The following FHIP2A variants were observed in gnomAD, a reference collection of about 807,000 sequenced individuals.
FHIP2A encodes the protein family with sequence similarity 160 member B1.
Under a neutral mutation model 93.5 loss-of-function variants are expected in FHIP2A, and 46 were observed. The ratio of observed to expected loss-of-function variants is 0.49; its 90% CI spans 0.39 to 0.63. FHIP2A has a LOEUF of 0.63. Ranked by LOEUF, FHIP2A falls within the 20% of genes least tolerant of loss-of-function variation. The pLI is 0.00. For synonymous variants in FHIP2A, 332 were observed against 326.5 expected (o/e 1.02, Z -0.18); for missense variants, 769 against 909.7 (o/e 0.85, Z 1.99).
At chr10:114,840,518 A>G (rs920586443) in intron 5 of FHIP2A, among the ~76,000 whole-genome samples, 1 of 152,194 alleles carries the variant, frequency 6.6e-6, no homozygotes, top group Non-Finnish European at 1.5e-5. Context: ...TATATGGCAG[A>G]TTCTTTGAGA....
At chr10:114,837,890 AC>A (rs2083645278) in intron 5 of FHIP2A, among the ~76,000 whole-genome samples, 1 of 152,218 alleles carries the variant, frequency 6.6e-6, no homozygotes, top group Non-Finnish European at 1.5e-5. Context: ...GTATGGATGT[AC>A]CACAGTTGTT....
chr10:114,877,458 A>G (rs1053981767), intron 16 of FHIP2A, among the ~76,000 whole-genome samples: 36 of 152,204 alleles, frequency 2.4e-4, no homozygotes, highest in African/African-American at 7.9e-4. Flanking sequence ...TGTCAGTATA[A>G]TTATATAATT....
intron 16 of FHIP2A, among the ~76,000 whole-genome samples, chr10:114,873,530 G>A (rs1166491529): frequency 6.6e-6 from 1 of 152,136 alleles, no homozygotes; most frequent in Non-Finnish European, 1.5e-5. Flanking sequence ...AGTTAATACT[G>A]TATCTTCTTG....
chr10:114,838,052 T>C (rs1423829692), intron 5 of FHIP2A, among the ~76,000 whole-genome samples: 1 of 152,190 alleles, frequency 6.6e-6, no homozygotes, highest in East Asian at 1.9e-4. Context: ...CCAGATCATA[T>C]GGTAAGTGTG....
At chr10:114,868,588 G>C (rs375360121), downstream of FHIP2A, among the ~76,000 whole-genome samples, 7 of 152,106 alleles carry the variant, frequency 4.6e-5, no homozygotes, top group East Asian at 1.4e-3. Flanking sequence ...TTAAATATTA[G>C]GTAATACTTT....
chr10:114,891,233 T>TAC (rs997542793), intron 16 of FHIP2A, among the ~76,000 whole-genome samples: 4 of 149,886 alleles, frequency 2.7e-5, no homozygotes, highest in African/African-American at 9.8e-5. Flanking sequence ...TATATATATA[T>TAC]ATATATATGC....
intron 2 of FHIP2A, among the ~76,000 whole-genome samples, chr10:114,831,333 A>G (rs2083606663): frequency 6.6e-6 from 1 of 152,152 alleles, no homozygotes; most frequent in South Asian, 2.1e-4. Context: ...GGTTAGAGAA[A>G]ACCTCATTGC....
chr10:114,859,782 T>C (rs1469684179), intron 14 of FHIP2A, among the ~76,000 whole-genome samples: 1 of 152,218 alleles, frequency 6.6e-6, no homozygotes, highest in Non-Finnish European at 1.5e-5. Context: ...TGTGAGGAAC[T>C]GTACACAGAT....
intron 1 of FHIP2A, among the ~76,000 whole-genome samples, chr10:114,822,863 C>G (rs1296768538): frequency 6.6e-6 from 1 of 152,220 alleles, no homozygotes; most frequent in African/African-American, 2.4e-5. Flanking sequence ...GTTTATCCTG[C>G]AATTGTACTC....
chr10:114,852,091 C>T (rs2083740570), intron 13 of FHIP2A, among the ~76,000 whole-genome samples: 1 of 114,584 alleles, frequency 8.7e-6, no homozygotes, highest in African/African-American at 3.4e-5. Flanking sequence ...CCCACCCCAG[C>T]CCTGCCATTT....
intron 16 of FHIP2A, among the ~76,000 whole-genome samples, chr10:114,888,335 C>G (rs982329783): frequency 6.6e-6 from 1 of 152,140 alleles, no homozygotes; most frequent in Non-Finnish European, 1.5e-5. Flanking sequence ...GATCCCTAAT[C>G]TAGACTTGGA....
chr10:114,837,202 CCTT>C (rs1452164228), intron 5 of FHIP2A, among the ~76,000 whole-genome samples: 1 of 152,172 alleles, frequency 6.6e-6, no homozygotes, highest in Non-Finnish European at 1.5e-5. Flanking sequence ...CCACACCTGG[CCTT>C]CTTTTGTTTT....
intron 16 of FHIP2A, among the ~76,000 whole-genome samples, chr10:114,875,529 T>TA (rs553034215): frequency 1.8e-4 from 27 of 150,090 alleles, no homozygotes; most frequent in African/African-American, 4.6e-4. Flanking sequence ...ACCCTGTCTC[T>TA]AAAAAAAAAT....
chr10:114,843,245 T>A lies in FHIP2A; in HGVS notation c.816+19T>A. On this transcript the variant is annotated intron_variant, in intron 6 of 16. Coordinates refer to ENST00000369248, the MANE Select transcript of FHIP2A (RefSeq NM_020940.4). ...AAGTCCTGTGAGTTATGGTCCTTAC[T>A]TTTTCCCCCCTAACATTATTTCAAT... 6.6e-7 allele frequency: 1 copy of A among 1,516,582 alleles called. No individual in the cohort carries two copies. The highest frequency in any genetic ancestry group is 9.0e-7 in the Non-Finnish European group (1 of 1,112,470). The allele number at this position is 1,516,582 out of a possible 1,614,324, so 93.9% of individuals were successfully genotyped here. A position where few individuals can be genotyped will look rare whatever the true frequency, so the allele number is the denominator to read the frequency against.
downstream of FHIP2A, among the ~76,000 whole-genome samples, chr10:114,869,000 T>G (rs548654061): frequency 6.6e-6 from 1 of 152,178 alleles, no homozygotes; most frequent in Non-Finnish European, 1.5e-5. Flanking sequence ...GCCTGTGAGA[T>G]TAGGCAAGAC....
In FHIP2A at chr10:114,870,942, ACTTC is replaced by A. The variant is rs199610630; in HGVS notation, c.2192+9616_2192+9619del. On this transcript the variant is annotated intron_variant, in intron 16 of 16. Transcript: ENST00000369250. The stretch of plus-strand genomic sequence containing the variant: ...AGGGGAACAGGAGGAGAAAGAAGCA[ACTTC>A]CTTCCTTTGACGTTATTGTTCCTAT... Among the ~76,000 whole-genome samples, 104 of 151,968 alleles carry A rather than the reference ACTTC, an allele frequency of 6.8e-4. No homozygotes were observed. The East Asian group carries it at 0.018, about 27-fold the overall frequency.
chr10:114,873,529 T>C (rs2083869193), intron 16 of FHIP2A, among the ~76,000 whole-genome samples: 2 of 152,236 alleles, frequency 1.3e-5, no homozygotes. Flanking sequence ...GAGTTAATAC[T>C]GTATCTTCTT....
At chr10:114,890,421 T>TTA (rs942522083) in intron 16 of FHIP2A, among the ~76,000 whole-genome samples, 17 of 150,786 alleles carry the variant, frequency 1.1e-4, no homozygotes, top group Admixed American at 2.0e-4. Context: ...TGATTTATGA[T>TTA]TATATATATG....
intron 16 of FHIP2A, among the ~76,000 whole-genome samples, chr10:114,881,327 A>C (rs1273865589): frequency 2.6e-5 from 4 of 152,188 alleles, no homozygotes; most frequent in Admixed American, 2.0e-4. Context: ...AGGGAGATAA[A>C]CTGGAACAAT....
Sources: allele counts gnomAD v4.1 joint callset (sites outside exome capture counted in the v4.1 genomes callset), GRCh38; gene constraint gnomAD v4.1.1; transcripts MANE v1.5; gene names NCBI Gene and HGNC (gene_info 2026-07-23, HGNC 2026-07-21).